Variants in FNDC3A observed in about 807,000 individuals in gnomAD.
The protein encoded by FNDC3A is fibronectin type-III domain-containing protein 3A.
FNDC3A carries 32 observed loss-of-function variants against 148.9 expected under a neutral mutation model. That is an observed-to-expected ratio of 0.21 (90% CI 0.16 to 0.29). FNDC3A has a LOEUF of 0.29. FNDC3A is among the 10% of genes least tolerant of loss of function. The probability of loss-of-function intolerance (pLI) is 1.00; values close to 1 mark genes in which losing one functional copy is unlikely to be tolerated. For synonymous variants in FNDC3A, 472 were observed against 473.6 expected (o/e 1.00, Z 0.04); for missense variants, 1,191 against 1,452.8 (o/e 0.82, Z 2.93).
chr13:49,190,447 T>G (rs1296440684), intron 17 of FNDC3A, among the ~76,000 whole-genome samples: 1 of 152,110 alleles, frequency 6.6e-6, no homozygotes, highest in African/African-American at 2.4e-5. Context: ...AGCCTAAGAA[T>G]TTGAGGCTGT....
Position 49,208,741 on chromosome 13 carries a change from AT to A in FNDC3A, c.*1347del, listed in dbSNP as rs1886765557. 6.6e-6 allele frequency: 1 copy of A among 152,638 alleles called. No individual in the cohort carries two copies. The highest frequency in any genetic ancestry group is 6.5e-5 in the Admixed American group (1 of 15,278). 9.5% of individuals were successfully genotyped at this position (152,638 alleles called of 1,614,324 possible). ...CAATTCTTGTTTTAGCACATCTGTT[AT>A]CCGTAAAACACCTGTAACTAGCTTT... On this transcript the variant is annotated 3_prime_UTR_variant, in exon 26 of 26. Coordinates refer to ENST00000492622, the MANE Select transcript of FNDC3A (RefSeq NM_001079673.2).
At chr13:49,125,069 T>G (rs1881610491) in intron 4 of FNDC3A, among the ~76,000 whole-genome samples, 1 of 152,128 alleles carries the variant, frequency 6.6e-6, no homozygotes, top group South Asian at 2.1e-4. Flanking sequence ...GTAGATCGCA[T>G]AGCGTGGGGA....
At chr13:49,182,818 C>T (rs116352582) in intron 14 of FNDC3A, among the ~76,000 whole-genome samples, 220 of 152,130 alleles carry the variant, frequency 1.4e-3, no homozygotes, top group Non-Finnish European at 1.5e-3. Flanking sequence ...GTCACTTCTG[C>T]CCTAAGTGTG....
At chr13:49,067,648 T>C (rs930819463) in intron 2 of FNDC3A, among the ~76,000 whole-genome samples, 3 of 152,204 alleles carry the variant, frequency 2.0e-5, no homozygotes, top group South Asian at 2.1e-4. Context: ...CCAGCATAAA[T>C]GGGTTAATTT....
intron 2 of FNDC3A, among the ~76,000 whole-genome samples, chr13:49,023,496 A>C (rs1873477058): frequency 6.6e-6 from 1 of 151,636 alleles, no homozygotes; most frequent in Admixed American, 6.6e-5. Context: ...GAATCATCAA[A>C]CTCTTAAAAT....
At chr13:49,088,717 A>G (rs1165852829) in intron 3 of FNDC3A, among the ~76,000 whole-genome samples, 1 of 151,694 alleles carries the variant, frequency 6.6e-6, no homozygotes, top group Non-Finnish European at 1.5e-5. Flanking sequence ...CTTCCTTCTC[A>G]GTCTTTTTTT....
At chr13:49,014,892 A>G (rs1566191684) in intron 2 of FNDC3A, among the ~76,000 whole-genome samples, 1 of 148,908 alleles carries the variant, frequency 6.7e-6, no homozygotes, top group Non-Finnish European at 1.5e-5. Context: ...CAGGTTTGTC[A>G]AAGATCAGAT....
chr13:49,087,458 G>A (rs1878888403), intron 3 of FNDC3A, among the ~76,000 whole-genome samples: 1 of 152,006 alleles, frequency 6.6e-6, no homozygotes, highest in Admixed American at 6.6e-5. Flanking sequence ...TTTGTTTTGT[G>A]TGCCATTCTC....
intron 2 of FNDC3A, among the ~76,000 whole-genome samples, chr13:49,012,299 G>T (rs1398650206): frequency 6.6e-6 from 1 of 152,028 alleles, no homozygotes; most frequent in Non-Finnish European, 1.5e-5. Flanking sequence ...ATTTTTAGTA[G>T]AGATGGGGTT....
Position 49,204,459 on chromosome 13 carries a change from G to A in FNDC3A, c.3282+1175G>A, listed in dbSNP as rs1050461719. 2.6e-5 allele frequency among the ~76,000 whole-genome samples: 4 copies of A among 151,908 alleles called. No individual in the cohort carries two copies. The East Asian group carries it at 7.7e-4, about 29-fold the overall frequency. ...TATTGTGCTATTGTAACCACTCTAT[G>A]TAATATCTTAACTGAAATTACAAAA... On this transcript the variant is annotated intron_variant, in intron 25 of 25. Coordinates refer to ENST00000492622, the MANE Select transcript of FNDC3A (RefSeq NM_001079673.2).
chr13:49,193,618 A>G (rs535069197), intron 19 of FNDC3A, among the ~76,000 whole-genome samples: 2 of 152,314 alleles, frequency 1.3e-5, no homozygotes, highest in South Asian at 2.1e-4. Flanking sequence ...CTGTAAGTCT[A>G]TACTATTAAA....
chr13:49,178,571 T>C lies in FNDC3A; in HGVS notation c.1534T>C (p.Tyr512His). ...ACTTTGTTTTTTCCTTTTCCAGGGA[T>C]ATGGTTTTAAGCCTAAATATGATGG... Reference protein sequence around the residue: ...ILEMEEETSGYGFKPKYDGED... With the variant: ...ILEMEEETSGHGFKPKYDGED... The change falls in exon 14 of 26, where the codon TAT becomes CAT. Residue 512 changes from tyrosine (Y) to histidine (H), a missense_variant. By Grantham distance (83) the Tyr-to-His change is moderately conservative. Around this residue, in one of 3 missense-constraint regions of FNDC3A, gnomAD observed 751 missense variants for 944.0 expected, o/e 0.80. Transcript: ENST00000492622. The C allele has an allele frequency of 6.3e-7, 1 of 1,587,240 alleles. No individual in the cohort carries two copies. Among genetic ancestry groups the C allele is most frequent in the Non-Finnish European group, 8.6e-7 (1 of 1,161,742 alleles).
Position 49,197,786 on chromosome 13 carries a change from G to T in FNDC3A, c.2402G>T (p.Gly801Val), listed in dbSNP as rs770808355. The T allele has an allele frequency of 7.1e-5, 115 of 1,610,796 alleles. No individual in the cohort carries two copies. The highest frequency in any genetic ancestry group is 9.6e-5 in the Non-Finnish European group (113 of 1,179,274). Reference sequence around the variant, plus strand: ...CGACTGGAGTGGGGAGGAGTTGAAGGAAGTATGCAGATATGTTACTGTGGG... The same window carrying T: ...CGACTGGAGTGGGGAGGAGTTGAAGTAAGTATGCAGATATGTTACTGTGGG... ...EYRLEWGGVE[G>V]SMQICYCGPG... The change falls in exon 21 of 26, where the codon GGA becomes GTA. Residue 801 changes from glycine to valine, a missense_variant. Gly to Val is a moderately radical substitution (Grantham distance 109, BLOSUM62 -3). Transcript: ENST00000492622.
chr13:49,049,363 G>C (rs141410831), intron 2 of FNDC3A, among the ~76,000 whole-genome samples: 1 of 151,928 alleles, frequency 6.6e-6, no homozygotes, highest in East Asian at 1.9e-4. Context: ...CTTTCTTTTG[G>C]AATCATGTCA....
At chr13:49,112,137 G>A (rs771136683) in intron 3 of FNDC3A, among the ~76,000 whole-genome samples, 2 of 152,154 alleles carry the variant, frequency 1.3e-5, no homozygotes, top group East Asian at 3.9e-4. Flanking sequence ...ATGACTTGAT[G>A]TAAGGATTAA....
Position 49,196,967 on chromosome 13 carries a change from A to G in FNDC3A, c.2317A>G (p.Thr773Ala), listed in dbSNP as rs1466227438. 5 of 1,609,782 alleles carry G rather than the reference A, an allele frequency of 3.1e-6. No individual in the cohort carries two copies. The highest frequency in any genetic ancestry group is 4.2e-6 in the Non-Finnish European group (5 of 1,177,408). The change falls in exon 20 of 26, where the codon ACT becomes GCT. Residue 773 changes from threonine (T) to alanine (A), a missense_variant. This residue lies in a region of FNDC3A where 751 missense variants were observed against 944.0 expected (regional missense o/e 0.80). Transcript: ENST00000492622. ...KPPQVTCRSA[T>A]CAQVNWEVPL... ...CCCTCAAGTGACATGTAGATCTGCA[A>G]CTTGTGCACAAGTGAATTGGGAGGT...
intron 4 of FNDC3A, among the ~76,000 whole-genome samples, chr13:49,118,529 G>A (rs1309712308): frequency 1.3e-5 from 2 of 152,182 alleles, no homozygotes; most frequent in Non-Finnish European, 2.9e-5. Context: ...CTGGAAAGGG[G>A]GCTGAAGTCA....
chr13:49,146,169 A>T, intron 8 of FNDC3A: 1 of 439,362 alleles, frequency 2.3e-6, no homozygotes, highest in Non-Finnish European at 4.0e-6. Context: ...TTTTTTTCCC[A>T]GTAGGCTCCC....
At chr13:49,133,014 GAAGA>G (rs1202593211) in intron 5 of FNDC3A, among the ~76,000 whole-genome samples, 1 of 152,164 alleles carries the variant, frequency 6.6e-6, no homozygotes, top group African/African-American at 2.4e-5. Context: ...TACATTTGCA[GAAGA>G]AATAACTTCA....
Sources: gnomAD v4.1 joint callset for allele counts (sites outside exome capture counted in the v4.1 genomes callset) on GRCh38, gnomAD v4.1.1 for gene constraint, gnomAD v4.1.1 regional missense constraint, MANE v1.5 for transcripts, NCBI Gene and HGNC (gene_info 2026-07-23, HGNC 2026-07-21) for gene names.